The following PRAG1 variants were observed in gnomAD, a reference collection of about 807,000 sequenced individuals.
PRAG1 encodes inactive tyrosine-protein kinase PRAG1.
Under a neutral mutation model 95.6 loss-of-function variants are expected in PRAG1, and 110 were observed. The ratio of observed to expected loss-of-function variants is 1.15; its 90% confidence interval spans 0.99 to 1.35. The LOEUF (loss-of-function observed/expected upper bound fraction) is 1.35. PRAG1 is among the 40% of genes most tolerant of loss of function. The pLI is 0.00. For synonymous variants in PRAG1, 1,052 were observed against 819.4 expected, an observed-to-expected ratio of 1.28 and a Z score of -4.85; for missense variants, 2,554 against 1,864.7, an observed-to-expected ratio of 1.37 and a Z score of -6.81.
chr8:8,370,998 C>T (rs1051321953), intron 3 of PRAG1, among the ~76,000 whole-genome samples: 2 of 151,790 alleles, frequency 1.3e-5, no homozygotes, highest in East Asian at 2.0e-4. Flanking sequence ...ATTAGCCATG[C>T]GTGGTGGCGC....
Position 8,377,717 on chromosome 8 carries a change from G to C in PRAG1, c.692C>G (p.Ser231Cys), listed in dbSNP as rs367701039. 3.1e-6 allele frequency: 5 copies of C among 1,613,968 alleles called. No individual in the cohort carries two copies. Among genetic ancestry groups the C allele is most frequent in the East Asian group, 2.2e-5 (1 of 44,868 alleles). Residue 231 changes from serine to cysteine, a missense_variant, in exon 3 of 6, where the codon TCC becomes TGC. Physicochemically the swap from Ser to Cys is moderately radical, Grantham distance 112. Coordinates refer to ENST00000615670, the MANE Select transcript of PRAG1 (RefSeq NM_001080826.3). ...CHQGPGPLRE[S>C]LPSEDDSDQR... The stretch of plus-strand genomic sequence containing the variant: ...ATCACTGTCATCCTCCGAGGGCAGG[G>C]ATTCCCGCAGGGGCCCAGGGCCCTG...
chr8:8,370,728 G>C (rs1800164437), intron 3 of PRAG1, among the ~76,000 whole-genome samples: 1 of 152,142 alleles, frequency 6.6e-6, no homozygotes. Flanking sequence ...TTACAGGAGA[G>C]CCCACACAGT....
chr8:8,378,504 T>A (rs912687169), intron 2 of PRAG1, among the ~76,000 whole-genome samples: 1 of 152,218 alleles, frequency 6.6e-6, no homozygotes, highest in African/African-American at 2.4e-5. Flanking sequence ...GTGGGTTTTT[T>A]GATAACCCAA....
chr8:8,327,358 TCAGGAG>T (rs1798664610), intron 5 of PRAG1, among the ~76,000 whole-genome samples: 2 of 151,964 alleles, frequency 1.3e-5, no homozygotes, highest in African/African-American at 4.8e-5. Context: ...TCATCTGAGG[TCAGGAG>T]TTCAAGACCA....
At chr8:8,367,575 G>A (rs774711252) in intron 3 of PRAG1, among the ~76,000 whole-genome samples, 13 of 150,300 alleles carry the variant, frequency 8.6e-5, no homozygotes, top group Non-Finnish European at 1.9e-4. Context: ...TGACCTTCAA[G>A]GTCATAAGGT....
intron 3 of PRAG1, among the ~76,000 whole-genome samples, chr8:8,355,524 T>G (rs1030566570): frequency 2.0e-5 from 3 of 152,170 alleles, no homozygotes; most frequent in African/African-American, 7.2e-5. Context: ...GATTTTAAAT[T>G]ATATTACAAA....
At chr8:8,332,230 C>T (rs1185390729) in intron 4 of PRAG1, among the ~76,000 whole-genome samples, 1 of 148,670 alleles carries the variant, frequency 6.7e-6, no homozygotes, top group Non-Finnish European at 1.5e-5. Flanking sequence ...GGTGGGATCT[C>T]GGCTCACTGC....
chr8:8,367,835 G>T (rs1378140273), intron 3 of PRAG1, among the ~76,000 whole-genome samples: 1 of 152,102 alleles, frequency 6.6e-6, no homozygotes, highest in Non-Finnish European at 1.5e-5. Context: ...TAGAGACGGG[G>T]TTTCACCACG....
chr8:8,366,933 A>G (rs886548613), intron 3 of PRAG1, among the ~76,000 whole-genome samples: 4 of 152,136 alleles, frequency 2.6e-5, no homozygotes, highest in East Asian at 3.8e-4. Context: ...CTGCTTCCCA[A>G]AATGGCTAGG....
chr8:8,340,573 C>T (rs1799130288), intron 3 of PRAG1, among the ~76,000 whole-genome samples: 1 of 152,238 alleles, frequency 6.6e-6, no homozygotes, highest in South Asian at 2.1e-4. Context: ...TCAATATCTG[C>T]TATGGGAAAT....
Position 8,328,397 on chromosome 8 carries a change from C to T in PRAG1, c.2385G>A (p.Pro795=), listed in dbSNP as rs116369577. ...NSGKKLFAPV[P]FPSGSTEDVS... is the part of the protein sequence containing the mutation. Reference sequence around the variant, plus strand: ...CGTCCTCAGTGGAGCCTGAAGGAAACGGAACGGGAGCAAAGAGCTTCTTCC... The same window carrying T: ...CGTCCTCAGTGGAGCCTGAAGGAAATGGAACGGGAGCAAAGAGCTTCTTCC... Residue 795 remains proline (P), a synonymous_variant, in exon 5 of 6, where the codon CCG becomes CCA. Transcript: ENST00000615670. 8.9e-4 allele frequency: 1,436 copies of T among 1,613,706 alleles called. 14 individuals carry two copies. In the African/African-American group the frequency reaches 0.017, roughly 19 times the overall value.
Position 8,319,145 on chromosome 8 carries a change from G to A in PRAG1, c.3230C>T (p.Pro1077Leu), listed in dbSNP as rs1448440717. 6.2e-7 allele frequency: 1 copy of A among 1,605,784 alleles called. No individual in the cohort carries two copies. Among genetic ancestry groups the A allele is most frequent in the Non-Finnish European group, 8.5e-7 (1 of 1,176,598 alleles). Residue 1077 changes from proline to leucine, a missense_variant, in exon 6 of 6, where the codon CCC becomes CTC. Coordinates refer to ENST00000615670, the MANE Select transcript of PRAG1 (RefSeq NM_001080826.3). ...DAPKDPVPAL[P>L]THPPAQEQDC... ...CTGCTCCTGGGCAGGGGGGTGTGTG[G>A]GCAGGGCAGGCACAGGGTCCTTGGG...
chr8:8,328,902 A>G (rs1798733899), intron 4 of PRAG1, among the ~76,000 whole-genome samples: 1 of 152,220 alleles, frequency 6.6e-6, no homozygotes, highest in Non-Finnish European at 1.5e-5. Context: ...CTATTTAATT[A>G]TTTTAAACAG....
intron 3 of PRAG1, among the ~76,000 whole-genome samples, chr8:8,367,940 C>T (rs1437955275): frequency 2.6e-5 from 4 of 152,102 alleles, no homozygotes; most frequent in East Asian, 1.9e-4. Context: ...CACGCCTGGC[C>T]GTATATAGTG....
At position 8,376,910 on chromosome 8, in the gene PRAG1, T is replaced by TG. The variant is rs767491834; in HGVS notation, c.1498dup (p.Gln500ProfsTer15). ...CTGGCTCACAGGCCCTCGTGGCCAC[T>TG]GCACCCCCACTGCAGAGTCAGGGCT... On this transcript the variant is annotated frameshift_variant, in exon 3 of 6. Transcript: ENST00000615670. LOFTEE classifies it high-confidence loss of function. 1.9e-6 allele frequency: 3 copies of TG among 1,613,366 alleles called. No individual in the cohort carries two copies.
intron 5 of PRAG1, among the ~76,000 whole-genome samples, chr8:8,322,402 G>C (rs564383501): frequency 6.6e-6 from 1 of 152,010 alleles, no homozygotes; most frequent in African/African-American, 2.4e-5. Flanking sequence ...GGCTGGTCTC[G>C]AACTCCTGAC....
chr8:8,342,733 A>G (rs1585238656), intron 3 of PRAG1, among the ~76,000 whole-genome samples: 1 of 152,362 alleles, frequency 6.6e-6, no homozygotes, highest in African/African-American at 2.4e-5. Context: ...AAAAGAAAGT[A>G]GAGCCATATC....
intron 3 of PRAG1, among the ~76,000 whole-genome samples, chr8:8,368,921 G>GA (rs76544389): frequency 2.7e-3 from 305 of 115,060 alleles, no homozygotes; most frequent in Middle Eastern, 4.3e-3. Context: ...TGCTCAGGTT[G>GA]AAAAAAAAAA....
chr8:8,318,617 T>C lies in PRAG1; in HGVS notation c.3758A>G (p.Asp1253Gly). Reference protein sequence around the residue: ...IVSASQYRKFDEFQTGILIYE... With the variant: ...IVSASQYRKFGEFQTGILIYE... ...GATGAGGATGCCTGTCTGGAACTCA[T>C]CGAACTTGCGGTACTGGGAAGCAGA... Residue 1253 changes from aspartate (D) to glycine (G), a missense_variant, in exon 6 of 6, where the codon GAT (aspartate) becomes GGT (glycine). By Grantham distance (94) the Asp-to-Gly change is moderately conservative. Transcript: ENST00000615670. This position sits in a 1 kb window ranked among gnomAD's most constrained non-coding sequence, Gnocchi z 4.2. 6.2e-7 allele frequency: 1 copy of C among 1,612,214 alleles called. No individual in the cohort carries two copies. The highest frequency in any genetic ancestry group is 8.5e-7 in the Non-Finnish European group (1 of 1,179,750).
Sources: allele counts gnomAD v4.1 joint callset (sites outside exome capture counted in the v4.1 genomes callset), GRCh38; gene constraint gnomAD v4.1.1; non-coding constraint Gnocchi (gnomAD v3.1); transcripts MANE v1.5; gene names NCBI Gene and HGNC (gene_info 2026-07-23, HGNC 2026-07-21).